Variants in NDST3 observed in about 807,000 individuals in gnomAD.
NDST3 encodes the protein N-deacetylase and N-sulfotransferase 3.
NDST3 carries 58 observed loss-of-function variants against 96.1 expected under a neutral mutation model. The ratio of observed to expected loss-of-function variants is 0.60; its 90% CI spans 0.49 to 0.75. The LOEUF is 0.75. Ranked by LOEUF, NDST3 falls within the 30% of genes least tolerant of loss-of-function variation. The pLI, the probability that NDST3 is intolerant of heterozygous loss-of-function variation, is 0.00. For synonymous variants in NDST3, 333 were observed against 359.7 expected, an observed-to-expected ratio of 0.93 and a Z score of 0.84; for missense variants, 788 against 1,034.2, an observed-to-expected ratio of 0.76 and a Z score of 3.27.
chr4:118,099,078 T>C lies in NDST3; in HGVS notation c.982-5940T>C, dbSNP rs186857779. Among the ~76,000 whole-genome samples, 14 of 152,218 alleles carry C rather than the reference T, an allele frequency of 9.2e-5. 1 individual carries two copies. The East Asian group carries it at 2.7e-3, about 30-fold the overall frequency. On this transcript the variant is annotated intron_variant, in intron 2 of 13. Coordinates refer to ENST00000296499, the MANE Select transcript of NDST3 (RefSeq NM_004784.3). Reference sequence around the variant, plus strand: ...AAGGATTTAAGACCATATATCCATTTCTCATTTGATCTTCATACAAAACCT... The same window carrying C: ...AAGGATTTAAGACCATATATCCATTCCTCATTTGATCTTCATACAAAACCT...
At chr4:118,212,768 T>A (rs1446968175) in intron 6 of NDST3, among the ~76,000 whole-genome samples, 1 of 152,152 alleles carries the variant, frequency 6.6e-6, no homozygotes, top group Non-Finnish European at 1.5e-5. Flanking sequence ...CTCCAAAGTA[T>A]AAGTATACTC....
Position 118,242,031 on chromosome 4 carries a change from A to G in NDST3, c.2290-9A>G, listed in dbSNP as rs1226684881. On this transcript the variant is annotated splice_polypyrimidine_tract_variant and intron_variant, in intron 11 of 13. Coordinates refer to ENST00000296499, the MANE Select transcript of NDST3 (RefSeq NM_004784.3). Reference sequence around the variant, plus strand: ...TTTTCAATGTGCATTTTTTTATTTGATAATTTAGTTGCTAATTATTGATGG... The same window carrying G: ...TTTTCAATGTGCATTTTTTTATTTGGTAATTTAGTTGCTAATTATTGATGG... The G allele has an allele frequency of 1.9e-6, 3 of 1,573,516 alleles. No individual in the cohort carries two copies. The highest frequency in any genetic ancestry group is 2.6e-6 in the Non-Finnish European group (3 of 1,149,532).
chr4:118,142,222 G>GT (rs763961420), intron 5 of NDST3, among the ~76,000 whole-genome samples: 5 of 151,762 alleles, frequency 3.3e-5, no homozygotes, highest in Non-Finnish European at 5.9e-5. Flanking sequence ...TTAAACAGAA[G>GT]TTTTTTAACT....
At chr4:118,062,465 ACT>A (rs1393886585) in intron 2 of NDST3, among the ~76,000 whole-genome samples, 1 of 150,354 alleles carries the variant, frequency 6.7e-6, no homozygotes, top group Non-Finnish European at 1.5e-5. Context: ...CCTCTCCCTC[ACT>A]CTCTCTCTTT....
rs115155479 is a variant in NDST3 at position 118,165,251 on chromosome 4, T to C, written c.1539+21567T>C. Reference sequence around the variant, plus strand: ...GCATGGAAAATTTATTCCATCCAAATGTTAACCGAGAGAGCAAAAGTAGCC... The same window carrying C: ...GCATGGAAAATTTATTCCATCCAAACGTTAACCGAGAGAGCAAAAGTAGCC... On this transcript the variant is annotated intron_variant, in intron 6 of 13. Transcript: ENST00000296499. Among the ~76,000 whole-genome samples the C allele has an allele frequency of 5.6e-3, 850 of 152,058 alleles. 4 individuals carry two copies. Among genetic ancestry groups the C allele is most frequent in the Non-Finnish European group, 9.1e-3 (616 of 67,928 alleles).
rs538775654 is a variant in NDST3 at position 118,124,831 on chromosome 4, A to G, written c.1224+9871A>G. Among the ~76,000 whole-genome samples the G allele has an allele frequency of 3.9e-5, 6 of 152,200 alleles. No homozygotes were observed. In the East Asian group the frequency reaches 7.7e-4, roughly 20 times the overall value. ...CCATTCAGTTTTACAAGATCTCATT[A>G]TTAACACCTTTAACACTTTTATCCA... On this transcript the variant is annotated intron_variant, in intron 4 of 13. Coordinates refer to ENST00000296499, the MANE Select transcript of NDST3 (RefSeq NM_004784.3).
At chr4:118,057,413 A>G (rs958551260) in intron 2 of NDST3, among the ~76,000 whole-genome samples, 1 of 152,062 alleles carries the variant, frequency 6.6e-6, no homozygotes, top group Non-Finnish European at 1.5e-5. Context: ...TCATCATCCT[A>G]TAGGGAATCA....
chr4:118,217,867 C>T (rs1187015873), intron 6 of NDST3, among the ~76,000 whole-genome samples: 1 of 152,042 alleles, frequency 6.6e-6, no homozygotes, highest in African/African-American at 2.4e-5. Context: ...GGAGATATCA[C>T]CACTGACCCC....
rs1735242999 is a variant in NDST3, at chr4:118,162,597, A to G, written c.1539+18913A>G. ...TTCCTTACACCTTATACAAAAATCAATTCAAGATGGATTAAAGACTTAAAC... is the reference window on the plus strand; with the variant it reads ...TTCCTTACACCTTATACAAAAATCAGTTCAAGATGGATTAAAGACTTAAAC... On this transcript the variant is annotated intron_variant, in intron 6 of 13. Transcript: ENST00000296499. Among the ~76,000 whole-genome samples, 3 of 151,242 alleles carry G rather than the reference A, an allele frequency of 2.0e-5. No homozygotes were observed. In the South Asian group the frequency reaches 6.3e-4, roughly 32 times the overall value.
At chr4:118,229,771 TC>T (rs1223470875) in intron 8 of NDST3, among the ~76,000 whole-genome samples, 1 of 152,200 alleles carries the variant, frequency 6.6e-6, no homozygotes, top group Non-Finnish European at 1.5e-5. Flanking sequence ...AATACTTATT[TC>T]CAAAAAGATA....
chr4:118,091,853 ATG>A (rs1728893956), intron 2 of NDST3, among the ~76,000 whole-genome samples: 3 of 151,560 alleles, frequency 2.0e-5, no homozygotes, highest in Non-Finnish European at 3.0e-5. Flanking sequence ...AATCTCTACT[ATG>A]TTTTTTCTTT....
intron 2 of NDST3, among the ~76,000 whole-genome samples, chr4:118,082,032 C>T (rs1231776524): frequency 6.6e-6 from 1 of 152,094 alleles, no homozygotes; most frequent in Non-Finnish European, 1.5e-5. Flanking sequence ...ATTAGTTTTC[C>T]ATGATTTCAA....
intron 2 of NDST3, chr4:118,055,633 A>C (rs2110452115): frequency 6.6e-6 from 1 of 152,092 alleles, no homozygotes; most frequent in South Asian, 2.1e-4. Context: ...ACTATTAAAA[A>C]ATTTTAAAAT....
At chr4:118,253,179 A>C (rs1345920037) in intron 12 of NDST3, among the ~76,000 whole-genome samples, 1 of 152,180 alleles carries the variant, frequency 6.6e-6, no homozygotes, top group African/African-American at 2.4e-5. Context: ...AAAAATTTGA[A>C]TATTTATGCA....
intron 4 of NDST3, among the ~76,000 whole-genome samples, chr4:118,116,200 T>C (rs1413570337): frequency 2.0e-5 from 3 of 152,202 alleles, no homozygotes; most frequent in Non-Finnish European, 2.9e-5. Flanking sequence ...ACTGTTGATA[T>C]TGACAATGTT....
chr4:118,034,154 T>C (rs1724021444), upstream of NDST3, among the ~76,000 whole-genome samples: 3 of 152,356 alleles, frequency 2.0e-5, 1 homozygote, highest in East Asian at 3.9e-4. Flanking sequence ...TTTGTAAATA[T>C]AATCCTAAAA....
intron 10 of NDST3, 95 bp from the exon 11 acceptor site, chr4:118,240,426 ACTT>A (rs1343642951): frequency 9.9e-7 from 1 of 1,007,556 alleles, no homozygotes; most frequent in African/African-American, 1.6e-5. Flanking sequence ...GCAGTGAGGC[ACTT>A]CTTTCTTTAG....
chr4:118,224,701 C>G (rs780441721), intron 7 of NDST3, 28 bp downstream of exon 7: 1 of 1,501,382 alleles, frequency 6.7e-7, no homozygotes, highest in Middle Eastern at 1.8e-4. Context: ...ATTGATATAA[C>G]CAGTTAATTC....
At chr4:118,214,631 A>G (rs2125988685) in intron 6 of NDST3, among the ~76,000 whole-genome samples, 1 of 152,258 alleles carries the variant, frequency 6.6e-6, no homozygotes, top group South Asian at 2.1e-4. Flanking sequence ...ACAGTTCTGG[A>G]AGGAGGAAGA....
Sources: allele counts gnomAD v4.1 joint callset (sites outside exome capture counted in the v4.1 genomes callset), GRCh38; gene constraint gnomAD v4.1.1; transcripts MANE v1.5; gene names NCBI Gene and HGNC (gene_info 2026-07-23, HGNC 2026-07-21).